The following AGTPBP1 variants were observed in gnomAD, a reference collection of about 807,000 sequenced individuals.
AGTPBP1 encodes the protein cytosolic carboxypeptidase 1.
In AGTPBP1, 70 loss-of-function variants were observed where a neutral mutation model predicts 143.9. The ratio of observed to expected loss-of-function variants is 0.49; its 90% CI spans 0.40 to 0.59. The LOEUF (loss-of-function observed/expected upper bound fraction) is 0.59. AGTPBP1 is among the 20% of genes least tolerant of loss of function. The probability of loss-of-function intolerance (pLI) is 0.00; values close to 1 mark genes in which losing one functional copy is unlikely to be tolerated. For synonymous variants in AGTPBP1, 463 were observed against 500.2 expected (o/e 0.93, Z 0.99); for missense variants, 1,229 against 1,464.5 (o/e 0.84, Z 2.62).
At chr9:85,785,317 G>C in the AGTPBP1 span, among the ~76,000 whole-genome samples, 1 of 151,936 alleles carries the variant, frequency 6.6e-6, no homozygotes, top group Non-Finnish European at 1.5e-5. Flanking sequence ...CTGGGCGACA[G>C]AGCGAGACTC....
chr9:85,560,660 T>A (rs1250263485), intron 25 of AGTPBP1, among the ~76,000 whole-genome samples: 1 of 151,892 alleles, frequency 6.6e-6, no homozygotes, highest in Non-Finnish European at 1.5e-5. Flanking sequence ...ATTAATTACA[T>A]TAAGTATTAA....
chr9:85,760,942 G>A, the AGTPBP1 span, among the ~76,000 whole-genome samples: 1 of 152,122 alleles, frequency 6.6e-6, no homozygotes, highest in Non-Finnish European at 1.5e-5. Context: ...AAATCAGTGT[G>A]CAAAAATCAC....
the AGTPBP1 span, chr9:85,805,377 G>A: frequency 0.21 from 31,437 of 152,080 alleles, 4,301 homozygotes; most frequent in South Asian, 0.45. Context: ...GCGGCCTGCA[G>A]CCGCGCTCAC....
At chr9:85,653,510 C>T (rs1255911707) in intron 11 of AGTPBP1, among the ~76,000 whole-genome samples, 1 of 152,174 alleles carries the variant, frequency 6.6e-6, no homozygotes, top group East Asian at 1.9e-4. Context: ...AAATAAAGAA[C>T]TTGCTGGGGC....
chr9:85,772,549 C>T, the AGTPBP1 span, among the ~76,000 whole-genome samples: 293 of 152,272 alleles, frequency 1.9e-3, 2 homozygotes, highest in Middle Eastern at 0.024. Context: ...GAATTCAAGA[C>T]CAGCTTGGGC....
At chr9:85,585,653 G>T in intron 22 of AGTPBP1, 59 bp from the exon 23 acceptor site, 2 of 1,385,588 alleles carry the variant, frequency 1.4e-6, no homozygotes, top group Non-Finnish European at 1.9e-6. Flanking sequence ...GCTAAGTAAA[G>T]GTAGTTAATA....
intron 17 of AGTPBP1, among the ~76,000 whole-genome samples, chr9:85,597,760 G>C (rs1428326838): frequency 6.6e-6 from 1 of 151,868 alleles, no homozygotes; most frequent in Non-Finnish European, 1.5e-5. Context: ...GAATCAGATG[G>C]CTTTTCTCCT....
At chr9:85,574,478 AAAAG>A (rs1477285950) in intron 25 of AGTPBP1, among the ~76,000 whole-genome samples, 1 of 152,120 alleles carries the variant, frequency 6.6e-6, no homozygotes, top group Non-Finnish European at 1.5e-5. Flanking sequence ...AAAAAAAAAA[AAAAG>A]AATTATGACA....
At chr9:85,612,706 C>A (rs913007627) in intron 17 of AGTPBP1, among the ~76,000 whole-genome samples, 1 of 152,044 alleles carries the variant, frequency 6.6e-6, no homozygotes, top group Admixed American at 6.6e-5. Context: ...GAGACTGAGT[C>A]CTTAATCCTT....
intron 25 of AGTPBP1, among the ~76,000 whole-genome samples, chr9:85,553,361 T>C (rs1322444624): frequency 6.6e-6 from 1 of 152,276 alleles, no homozygotes; most frequent in Admixed American, 6.5e-5. Context: ...TTCAGTATAA[T>C]ATTCAATAAA....
chr9:85,733,122 G>C (rs544065350), intron 1 of AGTPBP1, among the ~76,000 whole-genome samples: 5 of 152,018 alleles, frequency 3.3e-5, no homozygotes, highest in South Asian at 2.1e-4. Context: ...ACAACACAAT[G>C]AATCAACTAG....
At chr9:85,558,719 A>G (rs1826508810) in intron 25 of AGTPBP1, among the ~76,000 whole-genome samples, 1 of 152,178 alleles carries the variant, frequency 6.6e-6, no homozygotes, top group African/African-American at 2.4e-5. Context: ...CCTGGGCTCA[A>G]GCAATCCTCT....
intron 12 of AGTPBP1, among the ~76,000 whole-genome samples, chr9:85,643,724 C>G (rs1832642764): frequency 6.6e-6 from 1 of 152,166 alleles, no homozygotes; most frequent in Admixed American, 6.5e-5. Context: ...AGATATGTAT[C>G]CAGGATCAAT....
intron 23 of AGTPBP1, among the ~76,000 whole-genome samples, chr9:85,580,987 C>T (rs62566893): frequency 0.017 from 2,565 of 152,300 alleles, 31 homozygotes; most frequent in Middle Eastern, 0.054. Context: ...TCTCACAATA[C>T]ACATGGTAAA....
intron 14 of AGTPBP1, among the ~76,000 whole-genome samples, chr9:85,632,074 T>C (rs900627401): frequency 2.0e-5 from 3 of 151,950 alleles, no homozygotes; most frequent in Non-Finnish European, 4.4e-5. Context: ...AATTTTTACT[T>C]TTTTTTAGTA....
At chr9:85,618,270 C>T (rs1468208890) in intron 17 of AGTPBP1, among the ~76,000 whole-genome samples, 1 of 151,380 alleles carries the variant, frequency 6.6e-6, no homozygotes, top group African/African-American at 2.4e-5. Flanking sequence ...GTTTAAAAGA[C>T]TATCAAGAAA....
intron 13 of AGTPBP1, among the ~76,000 whole-genome samples, chr9:85,642,322 T>C (rs958402557): frequency 1.3e-5 from 2 of 152,046 alleles, no homozygotes; most frequent in East Asian, 1.9e-4. Flanking sequence ...AAAAATGTAA[T>C]AGTCCATCTC....
chr9:85,681,253 G>A lies in AGTPBP1; in HGVS notation c.225+15C>T, dbSNP rs200540173. 8.0e-5 allele frequency: 128 copies of A among 1,609,830 alleles called. 1 individual carries two copies. Among genetic ancestry groups the A allele is most frequent in the East Asian group, 2.0e-4 (9 of 44,770 alleles). On this transcript the variant is annotated intron_variant, in intron 4 of 25. Transcript: ENST00000357081. ...GCATTAGTAGTTACATAATTAAAGC[G>A]TGTCACTGATTTACCTCTAATGTTG...
chr9:85,572,922 G>C (rs1284820116), intron 25 of AGTPBP1, among the ~76,000 whole-genome samples: 4 of 152,106 alleles, frequency 2.6e-5, no homozygotes, highest in African/African-American at 9.7e-5. Flanking sequence ...CAACAGGGCA[G>C]AGCAATAAAT....
Sources: gnomAD v4.1 joint callset for allele counts (sites outside exome capture counted in the v4.1 genomes callset) on GRCh38, gnomAD v4.1.1 for gene constraint, MANE v1.5 for transcripts, NCBI Gene and HGNC (gene_info 2026-07-23, HGNC 2026-07-21) for gene names.